ACACA: variants seen among roughly 807,000 people sequenced by gnomAD.
ACACA encodes acetyl-CoA carboxylase 1.
ACACA carries 103 observed loss-of-function variants against 296.1 expected under a neutral mutation model. That is an observed-to-expected ratio of 0.35 (90% CI 0.30 to 0.41). The LOEUF is 0.41. Ranked by LOEUF, ACACA falls within the 10% of genes least tolerant of loss-of-function variation. ACACA has a pLI of 1.00. For synonymous variants in ACACA, 953 were observed against 1,038.6 expected (o/e 0.92, Z 1.58); for missense variants, 1,554 against 2,989.7 (o/e 0.52, Z 11.20).
chr17:37,086,357 A>ACTT lies in ACACA; in HGVS notation c.*956_*958dup, dbSNP rs2072197457. On this transcript the variant is annotated 3_prime_UTR_variant, in exon 56 of 56. Coordinates refer to ENST00000616317, the MANE Select transcript of ACACA (RefSeq NM_198834.3). ...CCAAGCTCCAGGCTTCATAGGAACA[A>ACTT]CTTTCCAAGTCCTCAAAACAAACAG... The ACTT allele has an allele frequency of 6.6e-6, 1 of 152,388 alleles. No individual in the cohort carries two copies. The highest frequency in any genetic ancestry group is 1.5e-5 in the Non-Finnish European group (1 of 68,164). The allele number at this position is 152,388 out of a possible 1,614,324, so 9.4% of individuals were successfully genotyped here.
chr17:37,283,161 G>A (rs2082620612), intron 5 of ACACA, 106 bp downstream of exon 5: 1 of 1,338,550 alleles, frequency 7.5e-7, no homozygotes, highest in Non-Finnish European at 1.1e-6. Flanking sequence ...TTACTTGGAA[G>A]TCCTATGTTT....
intron 3 of ACACA, among the ~76,000 whole-genome samples, chr17:37,294,061 G>C (rs1047113280): frequency 2.0e-5 from 3 of 150,976 alleles, no homozygotes; most frequent in East Asian, 1.9e-4. Flanking sequence ...AAATACACTG[G>C]TATTTTTTTT....
intron 52 of ACACA, among the ~76,000 whole-genome samples, chr17:37,101,483 A>C (rs1312083259): frequency 6.6e-6 from 1 of 152,190 alleles, no homozygotes; most frequent in African/African-American, 2.4e-5. Context: ...GAGGAGACTG[A>C]GGCACTGAGA....
intron 1 of ACACA, among the ~76,000 whole-genome samples, chr17:37,393,047 C>A (rs2050947039): frequency 6.6e-6 from 1 of 150,578 alleles, no homozygotes; most frequent in African/African-American, 2.4e-5. Flanking sequence ...GAGGCTGAGG[C>A]AGGAGAATCG....
chr17:37,207,607 A>C lies in ACACA; in HGVS notation c.3851+50T>G, dbSNP rs781768044. 8 of 1,609,448 alleles carry C rather than the reference A, an allele frequency of 5.0e-6. No individual in the cohort carries two copies. In the Admixed American group the frequency reaches 1.3e-4, roughly 27 times the overall value. ...TTGCAGAAAGATGAGACCCCAAAAC[A>C]CAGATGTCCATGGCTCCCCTTGTAC... On this transcript the variant is annotated intron_variant, in intron 31 of 55. Transcript: ENST00000616317.
At chr17:37,165,435 C>T (rs2076628416) in intron 41 of ACACA, among the ~76,000 whole-genome samples, 1 of 152,090 alleles carries the variant, frequency 6.6e-6, no homozygotes, top group South Asian at 2.1e-4. Flanking sequence ...TCAATGTCCC[C>T]ACATGCGAAA....
intron 1 of ACACA, among the ~76,000 whole-genome samples, chr17:37,393,884 A>G (rs140775994): frequency 6.6e-6 from 1 of 152,266 alleles, no homozygotes; most frequent in African/African-American, 2.4e-5. Flanking sequence ...TCACAGACAG[A>G]ATCAAAATTA....
At chr17:37,309,010 T>C (rs1299099503) in intron 3 of ACACA, among the ~76,000 whole-genome samples, 1 of 152,134 alleles carries the variant, frequency 6.6e-6, no homozygotes, top group Non-Finnish European at 1.5e-5. Context: ...TATTCACAAG[T>C]ATTTATTTTA....
chr17:37,367,737 T>C (rs968115985), intron 1 of ACACA: 1 of 152,152 alleles, frequency 6.6e-6, no homozygotes, highest in Non-Finnish European at 1.5e-5. Flanking sequence ...TAGTAATCGA[T>C]ACAGAACAGA....
intron 3 of ACACA, among the ~76,000 whole-genome samples, chr17:37,308,990 C>G (rs1312052892): frequency 6.6e-6 from 1 of 152,062 alleles, no homozygotes; most frequent in Admixed American, 6.6e-5. Flanking sequence ...GTCTTTATAC[C>G]TCTACCATTT....
chr17:37,095,919 C>T (rs1036669996), intron 54 of ACACA, among the ~76,000 whole-genome samples: 1 of 152,138 alleles, frequency 6.6e-6, no homozygotes, highest in African/African-American at 2.4e-5. Context: ...TGAGACCCGC[C>T]CCATCCCCAA....
intron 1 of ACACA, among the ~76,000 whole-genome samples, chr17:37,385,039 A>C (rs2050465424): frequency 6.6e-6 from 1 of 152,188 alleles, no homozygotes; most frequent in African/African-American, 2.4e-5. Context: ...GACTCTATCC[A>C]TCTCCCATCA....
chr17:37,393,211 G>C (rs1235952439), intron 1 of ACACA, among the ~76,000 whole-genome samples: 1 of 151,430 alleles, frequency 6.6e-6, no homozygotes, highest in Admixed American at 6.6e-5. Context: ...AAATATAGTA[G>C]AGAGGAAAGA....
At chr17:37,211,829 C>T (rs1043034987) in intron 29 of ACACA, among the ~76,000 whole-genome samples, 4 of 152,178 alleles carry the variant, frequency 2.6e-5, no homozygotes, top group Middle Eastern at 3.2e-3. Flanking sequence ...ATTCATAAGA[C>T]AGCAAGAGCA....
rs2077355204 is a variant in ACACA at position 37,182,294 on chromosome 17, C to G, written c.4777-938G>C. Among the ~76,000 whole-genome samples the G allele has an allele frequency of 2.0e-5, 3 of 151,966 alleles. No individual in the cohort carries two copies. The South Asian group carries it at 6.2e-4, about 32-fold the overall frequency. ...TTCTCACTAGCCCATGAGACACAGC[C>G]TCATATTTTACATATAGTAAAATAA... On this transcript the variant is annotated intron_variant, in intron 39 of 55. Coordinates refer to ENST00000616317, the MANE Select transcript of ACACA (RefSeq NM_198834.3).
At chr17:37,355,058 A>G (rs930975848) in intron 1 of ACACA, among the ~76,000 whole-genome samples, 1 of 151,904 alleles carries the variant, frequency 6.6e-6, no homozygotes, top group African/African-American at 2.4e-5. Context: ...AACCTGGCCA[A>G]TATGGTGAAA....
At chr17:37,380,005 G>T (rs913257290) in intron 1 of ACACA, among the ~76,000 whole-genome samples, 7 of 150,862 alleles carry the variant, frequency 4.6e-5, no homozygotes, top group African/African-American at 1.7e-4. Context: ...ATTCACAATA[G>T]CAAAGACTTG....
At chr17:37,125,084 T>C (rs79758897) in intron 48 of ACACA, among the ~76,000 whole-genome samples, 1,829 of 152,268 alleles carry the variant, frequency 0.012, 43 homozygotes, top group African/African-American at 0.04. Flanking sequence ...ACAGATTATT[T>C]TGCACAGAGC....
intron 41 of ACACA, among the ~76,000 whole-genome samples, chr17:37,172,547 C>T (rs1173432718): frequency 6.6e-6 from 1 of 152,078 alleles, no homozygotes; most frequent in African/African-American, 2.4e-5. Flanking sequence ...GCCAAATATA[C>T]TTACTTAGAA....
Sources: gnomAD v4.1 joint callset for allele counts (sites outside exome capture counted in the v4.1 genomes callset) on GRCh38, gnomAD v4.1.1 for gene constraint, MANE v1.5 for transcripts, NCBI Gene and HGNC (gene_info 2026-07-23, HGNC 2026-07-21) for gene names.